The following ZBTB11 variants were observed in gnomAD, a reference collection of about 807,000 sequenced individuals.
ZBTB11 encodes zinc finger and BTB domain-containing protein 11.
ZBTB11 carries 68 observed loss-of-function variants against 113.1 expected under a neutral mutation model. That is an observed-to-expected ratio of 0.60 (90% confidence interval 0.49 to 0.74). ZBTB11 has a LOEUF of 0.74. Ranked by LOEUF, ZBTB11 falls within the 30% of genes least tolerant of loss-of-function variation. The probability of loss-of-function intolerance (pLI) is 0.00; values close to 1 mark genes in which losing one functional copy is unlikely to be tolerated. For missense variants in ZBTB11, 1,104 were observed against 1,279.4 expected, an observed-to-expected ratio of 0.86 and a Z score of 2.09; for synonymous variants, 518 against 452.6, an observed-to-expected ratio of 1.14 and a Z score of -1.83.
intron 3 of ZBTB11, among the ~76,000 whole-genome samples, chr3:101,669,687 AAAT>A (rs1937053776): frequency 6.6e-6 from 1 of 152,216 alleles, no homozygotes; most frequent in Non-Finnish European, 1.5e-5. Context: ...CAGAAAAAAA[AAAT>A]ACCACTAATC....
chr3:101,671,042 C>T (rs1297836792), intron 3 of ZBTB11, 88 bp downstream of exon 3: 11 of 1,111,844 alleles, frequency 9.9e-6, no homozygotes, highest in African/African-American at 1.6e-5. Context: ...CTTACTTTGG[C>T]ATAAAGTCCG....
intron 5 of ZBTB11, among the ~76,000 whole-genome samples, chr3:101,660,540 A>G (rs1264252079): frequency 6.6e-6 from 1 of 152,106 alleles, no homozygotes; most frequent in African/African-American, 2.4e-5. Flanking sequence ...TCTCCACCAT[A>G]TTTTGCTTCT....
chr3:101,653,393 C>T (rs992993755), intron 8 of ZBTB11, among the ~76,000 whole-genome samples: 2 of 152,118 alleles, frequency 1.3e-5, no homozygotes, highest in Non-Finnish European at 2.9e-5. Context: ...ACTCTCAGGG[C>T]TTTGATGGAA....
intron 3 of ZBTB11, among the ~76,000 whole-genome samples, chr3:101,668,522 G>C (rs934766641): frequency 6.6e-6 from 1 of 151,816 alleles, no homozygotes. Context: ...CCACCTACAC[G>C]GGAGGCCAAA....
chr3:101,655,796 G>C (rs1321214458), intron 7 of ZBTB11: 3 of 154,574 alleles, frequency 1.9e-5, no homozygotes, highest in African/African-American at 7.2e-5. Context: ...GAGCAGCTAG[G>C]ACTACAGGCG....
In ZBTB11 at chr3:101,654,884, T is replaced by G. The variant is rs77422257; in HGVS notation, c.2192-63A>C. 9.5e-3 allele frequency: 13,524 copies of G among 1,428,860 alleles called. 1,124 individuals carry two copies. In the African/African-American group the frequency reaches 0.17, roughly 18 times the overall value. 88.5% of individuals were successfully genotyped at this position (1,428,860 alleles called of 1,614,324 possible). A position where few individuals can be genotyped will look rare whatever the true frequency, so the allele number is the denominator to read the frequency against. ...AATCAGTCCTCTTTTAACAGAATTTTTTTTTTTTGAGTGGCATCTCACTCT... is the reference window on the plus strand; with the variant it reads ...AATCAGTCCTCTTTTAACAGAATTTGTTTTTTTTGAGTGGCATCTCACTCT... On this transcript the variant is annotated intron_variant, in intron 7 of 10. Coordinates refer to ENST00000312938, the MANE Select transcript of ZBTB11 (RefSeq NM_014415.4).
rs930681599 is a variant in ZBTB11 at position 101,650,903 on chromosome 3, T to C, written c.*263A>G. ...ACATTAATTCATAAAAGGTATATCATGATAAACCACTGCCATCAAATATTA... is the reference window on the plus strand; with the variant it reads ...ACATTAATTCATAAAAGGTATATCACGATAAACCACTGCCATCAAATATTA... On this transcript the variant is annotated 3_prime_UTR_variant, in exon 11 of 11. Transcript: ENST00000312938. 1 of 293,286 alleles carries C rather than the reference T, an allele frequency of 3.4e-6. No homozygotes were observed. Among genetic ancestry groups the C allele is most frequent in the Non-Finnish European group, 6.3e-6 (1 of 158,144 alleles). The allele number at this position is 293,286 out of a possible 1,614,324, so 18.2% of individuals were successfully genotyped here. A position where few individuals can be genotyped will look rare whatever the true frequency, so the allele number is the denominator to read the frequency against.
Position 101,651,383 on chromosome 3 carries a change from T to C in ZBTB11, c.2945A>G (p.Glu982Gly). The change falls in exon 11 of 11, where the codon GAA becomes GGA. Residue 982 changes from glutamate to glycine, a missense_variant. Coordinates refer to ENST00000312938, the MANE Select transcript of ZBTB11 (RefSeq NM_014415.4). Reference sequence around the variant, plus strand: ...TCCTGTCACTACCACAGTCTCAAGTTCTTGAGGACCACTGCTTTCTTGTTC... The same window carrying C: ...TCCTGTCACTACCACAGTCTCAAGTCCTTGAGGACCACTGCTTTCTTGTTC... ...MQEQESSGPQ[E>G]LETVVVTGET... The C allele has an allele frequency of 1.2e-6, 2 of 1,614,006 alleles. No individual in the cohort carries two copies. Among genetic ancestry groups the C allele is most frequent in the African/African-American group, 2.7e-5 (2 of 75,020 alleles).
At position 101,665,112 on chromosome 3, in the gene ZBTB11, G is replaced by A. The variant is rs1191034573; in HGVS notation, c.1475C>T (p.Ala492Val). 1 of 1,614,080 alleles carries A rather than the reference G, an allele frequency of 6.2e-7. No homozygotes were observed. ...KDQENLVAST[A>V]KTDFGPDDDT... ...ATCATCAGGGCCAAAGTCTGTCTTT[G>A]CTGTTGATGCAACTAGATTTTCCTG... is the stretch of plus-strand genomic sequence containing the variant. The change falls in exon 4 of 11, where the codon GCA (alanine) becomes GTA (valine). Residue 492 changes from alanine (A) to valine (V), a missense_variant. Around this residue, in one of 5 missense-constraint regions of ZBTB11, gnomAD observed 535 missense variants for 518.6 expected, o/e 1.03. Transcript: ENST00000312938.
rs1202301013 is a variant in ZBTB11, at chr3:101,676,665, C to T, written c.250G>A (p.Gly84Ser). 1 of 1,588,666 alleles carries T rather than the reference C, an allele frequency of 6.3e-7. No homozygotes were observed. The highest frequency in any genetic ancestry group is 8.6e-7 in the Non-Finnish European group (1 of 1,165,932). Reference sequence around the variant, plus strand: ...GTCTGATGCCGGGTGTGGTGAGTGCCGCCGGGACCCAGGTGCGCCGCCTCG... The same window carrying T: ...GTCTGATGCCGGGTGTGGTGAGTGCTGCCGGGACCCAGGTGCGCCGCCTCG... ...LIEAAHLGPGGTHHTRHQTWH... is the reference protein window; with the variant it reads ...LIEAAHLGPGSTHHTRHQTWH... Residue 84 changes from glycine (G) to serine (S), a missense_variant, in exon 1 of 11, where the codon GGC becomes AGC. Physicochemically the swap from Gly to Ser is moderately conservative, Grantham distance 56. Around this residue, in one of 5 missense-constraint regions of ZBTB11, gnomAD observed 245 missense variants for 272.5 expected, o/e 0.90. Coordinates refer to ENST00000312938, the MANE Select transcript of ZBTB11 (RefSeq NM_014415.4).
At chr3:101,667,646 C>T (rs77497659) in intron 3 of ZBTB11, among the ~76,000 whole-genome samples, 1 of 152,024 alleles carries the variant, frequency 6.6e-6, no homozygotes, top group Non-Finnish European at 1.5e-5. Context: ...TCAGCCATTC[C>T]TAGGAAAGCT....
In ZBTB11 at chr3:101,650,324, T is replaced by C. The variant is rs1936677357; in HGVS notation, c.*842A>G. 2 of 152,454 alleles carry C rather than the reference T, an allele frequency of 1.3e-5. No homozygotes were observed. The highest frequency in any genetic ancestry group is 2.1e-4 in the South Asian group (1 of 4,832). The allele number at this position is 152,454 out of a possible 1,614,324, so 9.4% of individuals were successfully genotyped here. Reference sequence around the variant, plus strand: ...TTTGTTCATTAACTTGTTCATTCTTTGCAAATAATGAGAATTTTTTTTTCC... The same window carrying C: ...TTTGTTCATTAACTTGTTCATTCTTCGCAAATAATGAGAATTTTTTTTTCC... On this transcript the variant is annotated 3_prime_UTR_variant, in exon 11 of 11. Coordinates refer to ENST00000312938, the MANE Select transcript of ZBTB11 (RefSeq NM_014415.4).
chr3:101,655,204 T>G lies in ZBTB11; in HGVS notation c.2192-383A>C, dbSNP rs1936775166. 2.0e-5 allele frequency among the ~76,000 whole-genome samples: 3 copies of G among 152,188 alleles called. No homozygotes were observed. The South Asian group carries it at 6.2e-4, about 31-fold the overall frequency. On this transcript the variant is annotated intron_variant, in intron 7 of 10. Coordinates refer to ENST00000312938, the MANE Select transcript of ZBTB11 (RefSeq NM_014415.4). The stretch of plus-strand genomic sequence containing the variant: ...AATAAACAGAATTCTTCATGTCATA[T>G]TTCAGAAGTTACTTTACCAAGGGGA...
chr3:101,658,102 G>T (rs1365338657), intron 6 of ZBTB11, among the ~76,000 whole-genome samples: 1 of 152,096 alleles, frequency 6.6e-6, no homozygotes, highest in African/African-American at 2.4e-5. Flanking sequence ...ATAAATCAAT[G>T]AGCAGATAAA....
At chr3:101,664,505 G>A (rs138919948) in intron 5 of ZBTB11, 33 bp downstream of exon 5, 1 of 1,572,976 alleles carries the variant, frequency 6.4e-7, no homozygotes. Context: ...TTATGAATTA[G>A]AGTTACCTTC....
At chr3:101,676,567 G>A in intron 1 of ZBTB11, 38 bp downstream of exon 1, 1 of 1,451,246 alleles carries the variant, frequency 6.9e-7, no homozygotes, top group South Asian at 1.5e-5. Flanking sequence ...CAGGCAACGA[G>A]TCGCCAGCCC....
rs1368325686 is a variant in ZBTB11 at position 101,649,187 on chromosome 3, G to A, written c.*1979C>T. The A allele has an allele frequency of 6.6e-6, 1 of 152,214 alleles. No individual in the cohort carries two copies. The highest frequency in any genetic ancestry group is 1.5e-5 in the Non-Finnish European group (1 of 68,048). 9.4% of individuals were successfully genotyped at this position (152,214 alleles called of 1,614,324 possible). ...AAGGCAACATTTGGGCATGAAAACA[G>A]GAATGCCTGTTCCCATTTAGGGCCA... On this transcript the variant is annotated 3_prime_UTR_variant, in exon 11 of 11. Coordinates refer to ENST00000312938, the MANE Select transcript of ZBTB11 (RefSeq NM_014415.4).
In ZBTB11 at chr3:101,677,062, G is replaced by A. The variant is rs956463515; in HGVS notation, c.-148C>T. 1.9e-5 allele frequency: 17 copies of A among 892,348 alleles called. No homozygotes were observed. The African/African-American group carries it at 2.6e-4, about 14-fold the overall frequency. 55.3% of individuals were successfully genotyped at this position (892,348 alleles called of 1,614,324 possible). On this transcript the variant is annotated 5_prime_UTR_variant, in exon 1 of 11. Coordinates refer to ENST00000312938, the MANE Select transcript of ZBTB11 (RefSeq NM_014415.4). ...CGCTCTTCGACGGCTCCCTTAGTCC[G>A]AAGGAAAAGCGGGCGAGTTGGTAAC...
chr3:101,651,376 C>T lies in ZBTB11; in HGVS notation c.2952G>A (p.Glu984=), dbSNP rs80262325. The change falls in exon 11 of 11, where the codon GAG becomes GAA. Residue 984 remains glutamate, a synonymous_variant. Coordinates refer to ENST00000312938, the MANE Select transcript of ZBTB11 (RefSeq NM_014415.4). ...TAGTTTCTCCTGTCACTACCACAGT[C>T]TCAAGTTCTTGAGGACCACTGCTTT... The part of the protein sequence containing the change: ...EQESSGPQEL[E]TVVVTGETME... 438 of 1,613,996 alleles carry T rather than the reference C, an allele frequency of 2.7e-4. 5 individuals are homozygous for T. In the East Asian group the frequency reaches 9.6e-3, roughly 35 times the overall value.
Sources: gnomAD v4.1 joint callset for allele counts (sites outside exome capture counted in the v4.1 genomes callset) on GRCh38, gnomAD v4.1.1 for gene constraint, gnomAD v4.1.1 regional missense constraint, MANE v1.5 for transcripts, NCBI Gene and HGNC (gene_info 2026-07-23, HGNC 2026-07-21) for gene names.